The following PPAN variants were observed in gnomAD, a reference collection of about 807,000 sequenced individuals.
The protein encoded by PPAN is peter pan homolog.
PPAN carries 39 observed loss-of-function variants against 48.5 expected under a neutral mutation model. That is an observed-to-expected ratio of 0.80 (90% CI 0.62 to 1.05). PPAN has a LOEUF of 1.05. PPAN is among the 50% of genes least tolerant of loss of function. The pLI is 0.00. For missense variants in PPAN, 736 were observed against 661.7 expected (o/e 1.11, Z -1.23); for synonymous variants, 315 against 268.6 (o/e 1.17, Z -1.69).
Position 10,110,301 on chromosome 19 carries a change from A to T in PPAN, c.823-23A>T. The stretch of plus-strand genomic sequence containing the variant: ...CTCCACCAGTCCCAACGGTGGGCTG[A>T]CGCTTCTTCCTCGTCCCCTCAGATC... On this transcript the variant is annotated intron_variant, in intron 8 of 11. Coordinates refer to ENST00000253107, the MANE Select transcript of PPAN (RefSeq NM_020230.7). This position sits in a 1 kb window ranked among gnomAD's most constrained non-coding sequence, Gnocchi z 5.9. The T allele has an allele frequency of 6.2e-7, 1 of 1,613,416 alleles. No homozygotes were observed.
Position 10,111,804 on chromosome 19 carries a change from G to C in PPAN, c.*639G>C. 1 of 1,592,494 alleles carries C rather than the reference G, an allele frequency of 6.3e-7. No individual in the cohort carries two copies. The highest frequency in any genetic ancestry group is 8.6e-7 in the Non-Finnish European group (1 of 1,162,548). On this transcript the variant is annotated 3_prime_UTR_variant, in exon 12 of 12. Transcript: ENST00000253107. ...AGATTGTCAGGAGGTGGGGGTAGTG[G>C]GTATTGGTAAAACACCTAGGTCTGG... is the stretch of plus-strand genomic sequence containing the variant.
intron 2 of PPAN, 132 bp from the exon 3 acceptor site, chr19:10,107,373 T>C: frequency 2.3e-6 from 2 of 873,686 alleles, no homozygotes; most frequent in Non-Finnish European, 3.4e-6. Context: ...AAGGCTAAGA[T>C]CCTTTTGCTC....
rs150066913 is a variant in PPAN, at chr19:10,109,683, C to T, written c.566C>T (p.Ser189Phe). ...RCLLIDYNPD[S>F]QELDFRHYSI... ...CTCCTCATCGACTACAACCCCGACT[C>T]CCAGGAGCTGGACTTCCGCCACTAG... Residue 189 changes from serine to phenylalanine, a missense_variant, in exon 6 of 12, where the codon TCC becomes TTC. Coordinates refer to ENST00000253107, the MANE Select transcript of PPAN (RefSeq NM_020230.7). 1.9e-5 allele frequency: 30 copies of T among 1,613,982 alleles called. No homozygotes were observed. The African/African-American group carries it at 3.7e-4, about 20-fold the overall frequency.
At chr19:10,108,367 A>C (rs990753783) in intron 5 of PPAN, among the ~76,000 whole-genome samples, 16 of 152,134 alleles carry the variant, frequency 1.1e-4, no homozygotes, top group Non-Finnish European at 8.8e-5. Flanking sequence ...CGGTGGAAAG[A>C]AATACTGATG....
chr19:10,106,548 C>T lies in PPAN; in HGVS notation c.66C>T (p.Leu22=), dbSNP rs2088828484. Residue 22 remains leucine (L), a synonymous_variant, in exon 2 of 12, where the codon CTC becomes CTT. Coordinates refer to ENST00000253107, the MANE Select transcript of PPAN (RefSeq NM_020230.7). ...RARAQAQLRN[L]EAYAANPHSF... ...GCGCCCAGGCGCAGCTCCGCAACCT[C>T]GAGGCCTATGCCGCGAACCCGCACT... 7 of 1,553,932 alleles carry T rather than the reference C, an allele frequency of 4.5e-6. No homozygotes were observed. Among genetic ancestry groups the T allele is most frequent in the Non-Finnish European group, 6.1e-6 (7 of 1,148,970 alleles).
chr19:10,111,136 CG>C lies in PPAN; in HGVS notation c.1397del (p.Gly466AlafsTer47). The C allele has an allele frequency of 6.2e-7, 1 of 1,603,658 alleles. No homozygotes were observed. The highest frequency in any genetic ancestry group is 8.5e-7 in the Non-Finnish European group (1 of 1,176,220). ...ASRDGGRGRG[R>X]GRPGKRVA ...CCGGGATGGTGGGCGAGGCCGGGGC[CG>C]GGGCCGCCCAGGGAAGAGAGTGGCC... On this transcript the variant is annotated frameshift_variant, in exon 12 of 12. Coordinates refer to ENST00000253107, the MANE Select transcript of PPAN (RefSeq NM_020230.7). LOFTEE classifies it low-confidence loss of function (END_TRUNC).
In PPAN at chr19:10,111,528, A is replaced by G. The variant is rs1167366790; in HGVS notation, c.*363A>G. ...CAAGCAGACAGGTCACACTTTCAGC[A>G]GATGAGCTTGAACCTCAGGAGGGTT... On this transcript the variant is annotated 3_prime_UTR_variant, in exon 12 of 12. Transcript: ENST00000253107. 1.0e-5 allele frequency: 7 copies of G among 676,382 alleles called. No homozygotes were observed. The highest frequency in any genetic ancestry group is 1.8e-5 in the Non-Finnish European group (7 of 392,108). The allele number at this position is 676,382 out of a possible 1,614,324, so 41.9% of individuals were successfully genotyped here.
chr19:10,111,065 A>C lies in PPAN; in HGVS notation c.1322A>C (p.Asp441Ala). 6.2e-7 allele frequency: 1 copy of C among 1,613,504 alleles called. No individual in the cohort carries two copies. The highest frequency in any genetic ancestry group is 8.5e-7 in the Non-Finnish European group (1 of 1,179,930). ...LCDQKFPKTKDKSQGAQARRG... is the reference protein window; with the variant it reads ...LCDQKFPKTKAKSQGAQARRG... ...GACCAGAAGTTTCCCAAGACCAAGG[A>C]CAAGTCCCAGGGAGCCCAGGCCAGG... Residue 441 changes from aspartate (D) to alanine (A), a missense_variant, in exon 12 of 12, where the codon GAC becomes GCC. Transcript: ENST00000253107.
chr19:10,110,469 G>C lies in PPAN; in HGVS notation c.902-16G>C. On this transcript the variant is annotated splice_polypyrimidine_tract_variant and intron_variant, in intron 9 of 11. Coordinates refer to ENST00000253107, the MANE Select transcript of PPAN (RefSeq NM_020230.7). The surrounding 1 kb of genome is among the most constrained non-coding windows in gnomAD (Gnocchi z 5.9). ...AGCTGCACCCGGATCTTGGTGACCCGCGTCTCTTGGCTCAGTGAGCAAGAC... is the reference window on the plus strand; with the variant it reads ...AGCTGCACCCGGATCTTGGTGACCCCCGTCTCTTGGCTCAGTGAGCAAGAC... The C allele has an allele frequency of 6.2e-7, 1 of 1,612,444 alleles. No individual in the cohort carries two copies. The highest frequency in any genetic ancestry group is 2.2e-5 in the East Asian group (1 of 44,844).
At chr19:10,109,337 C>T (rs535986702) in intron 5 of PPAN, among the ~76,000 whole-genome samples, 13 of 152,012 alleles carry the variant, frequency 8.6e-5, no homozygotes, top group Admixed American at 5.9e-4. Context: ...CTGCAGCCTC[C>T]GCTTCCCGAG....
Sources: gnomAD v4.1 joint callset for allele counts (sites outside exome capture counted in the v4.1 genomes callset) on GRCh38, gnomAD v4.1.1 for gene constraint, Gnocchi (gnomAD v3.1) non-coding constraint, MANE v1.5 for transcripts, NCBI Gene and HGNC (gene_info 2026-07-23, HGNC 2026-07-21) for gene names.